Variants in C6 observed in about 807,000 individuals in gnomAD.
C6 encodes the protein complement component C6.
C6 carries 101 observed loss-of-function variants against 112.9 expected under a neutral mutation model. The observed-to-expected ratio is 0.89, with a 90% CI of 0.76 to 1.06. The LOEUF (loss-of-function observed/expected upper bound fraction) is 1.06, where lower values mean the gene tolerates loss of function less well. C6 is among the 50% of genes least tolerant of loss of function. The pLI is 0.00. For missense variants in C6, 1,202 were observed against 1,104.6 expected, an observed-to-expected ratio of 1.09 and a Z score of -1.25; for synonymous variants, 431 against 384.1, an observed-to-expected ratio of 1.12 and a Z score of -1.43.
intron 13 of C6, among the ~76,000 whole-genome samples, chr5:41,157,825 C>G (rs1274537238): frequency 6.6e-6 from 1 of 152,140 alleles, no homozygotes; most frequent in African/African-American, 2.4e-5. Context: ...AGAGTAAAGA[C>G]TAATTAAAAT....
At chr5:41,196,571 T>A (rs766734507) in intron 4 of C6, among the ~76,000 whole-genome samples, 1 of 151,892 alleles carries the variant, frequency 6.6e-6, no homozygotes, top group African/African-American at 2.4e-5. Flanking sequence ...GATTGCATAA[T>A]TTGTGAAAGC....
At chr5:41,153,756 C>T (rs573757845) in intron 15 of C6, 54 bp downstream of exon 15, 6 of 1,323,296 alleles carry the variant, frequency 4.5e-6, no homozygotes, top group East Asian at 2.3e-5. Context: ...GCTATACTAC[C>T]AATCTCAGGG....
intron 5 of C6, among the ~76,000 whole-genome samples, chr5:41,194,671 A>T (rs1580162098): frequency 6.6e-6 from 1 of 152,272 alleles, no homozygotes; most frequent in East Asian, 1.9e-4. Context: ...AAAATTTAAG[A>T]GGGGTTTCTT....
intron 7 of C6, among the ~76,000 whole-genome samples, chr5:41,177,208 A>G (rs988495614): frequency 6.6e-6 from 1 of 152,194 alleles, no homozygotes; most frequent in Non-Finnish European, 1.5e-5. Context: ...GTCAAATGAT[A>G]AGATGAGGGC....
At chr5:41,242,230 G>T (rs1206722820) in intron 1 of C6, among the ~76,000 whole-genome samples, 2 of 152,104 alleles carry the variant, frequency 1.3e-5, no homozygotes, top group East Asian at 3.9e-4. Flanking sequence ...AGAGGTAATT[G>T]GTTCATGGGG....
At chr5:41,175,628 C>G (rs956560416) in intron 8 of C6, among the ~76,000 whole-genome samples, 1 of 152,164 alleles carries the variant, frequency 6.6e-6, no homozygotes, top group Non-Finnish European at 1.5e-5. Flanking sequence ...TTTAGGGGCT[C>G]TGCTCTGAAT....
At position 41,161,764 on chromosome 5, in the gene C6, C is replaced by G. The variant is rs148104911; in HGVS notation, c.1387G>C (p.Gly463Arg). Residue 463 changes from glycine (G) to arginine (R), a missense_variant, in exon 10 of 18, where the codon GGT (glycine) becomes CGT (arginine). Gly to Arg is a moderately radical substitution (Grantham distance 125, BLOSUM62 -2). Transcript: ENST00000337836. ...TCAGAAAATGTCTTCTCCTCCAGAC[C>G]AGAGCTCCCTTTCTCCCATGCCAAA... Reference protein sequence around the residue: ...AALAWEKGSSGLEEKTFSEWL... With the variant: ...AALAWEKGSSRLEEKTFSEWL... The G allele has an allele frequency of 1.6e-4, 252 of 1,613,684 alleles. No individual in the cohort carries two copies. The African/African-American group carries it at 2.7e-3, about 17-fold the overall frequency.
At chr5:41,154,073 C>G (rs951762985) in intron 14 of C6, 75 bp from the exon 15 acceptor site, 25 of 1,288,986 alleles carry the variant, frequency 1.9e-5, no homozygotes, top group Non-Finnish European at 2.7e-5. Context: ...TTTGTGCAAC[C>G]AAAGAGGTGA....
chr5:41,211,444 C>T (rs1751919575), intron 1 of C6, among the ~76,000 whole-genome samples: 2 of 152,026 alleles, frequency 1.3e-5, no homozygotes, highest in Non-Finnish European at 1.5e-5. Context: ...TCTAGTTCGT[C>T]GGTAAGTAAC....
At chr5:41,205,886 G>A (rs916330258) in intron 1 of C6, among the ~76,000 whole-genome samples, 5 of 152,214 alleles carry the variant, frequency 3.3e-5, no homozygotes, top group African/African-American at 4.8e-5. Context: ...TCCCAGCACG[G>A]AGTTTGAGAT....
chr5:41,250,160 A>G (rs1055352203), intron 1 of C6, among the ~76,000 whole-genome samples: 7 of 152,190 alleles, frequency 4.6e-5, no homozygotes, highest in African/African-American at 1.4e-4. Context: ...GTCACACCCT[A>G]TTTAACAGAC....
intron 1 of C6, among the ~76,000 whole-genome samples, chr5:41,207,420 G>C (rs1376878108): frequency 6.6e-6 from 1 of 152,154 alleles, no homozygotes; most frequent in Non-Finnish European, 1.5e-5. Context: ...CCAATTAAAA[G>C]ACATAGACTG....
chr5:41,205,121 A>G (rs1009759860), intron 1 of C6, among the ~76,000 whole-genome samples: 3 of 152,182 alleles, frequency 2.0e-5, no homozygotes, highest in African/African-American at 7.2e-5. Context: ...AGAAGCCTTT[A>G]TCACTGTCTG....
chr5:41,249,761 G>A (rs1390704240), intron 1 of C6, among the ~76,000 whole-genome samples: 3 of 152,140 alleles, frequency 2.0e-5, no homozygotes, highest in Non-Finnish European at 2.9e-5. Flanking sequence ...ATAAAGCCAT[G>A]GATATTGATT....
At chr5:41,201,784 A>G in intron 2 of C6, 70 bp from the exon 3 acceptor site, 4 of 1,323,932 alleles carry the variant, frequency 3.0e-6, no homozygotes, top group Non-Finnish European at 4.3e-6. Context: ...TAATCAAAGT[A>G]TCATTGAGCA....
chr5:41,189,015 C>T (rs1749996098), intron 5 of C6, among the ~76,000 whole-genome samples: 1 of 151,778 alleles, frequency 6.6e-6, no homozygotes, highest in African/African-American at 2.4e-5. Flanking sequence ...GACTAATAAG[C>T]ATGTGAAAAA....
chr5:41,178,466 CTTTTTTTTTT>C (rs70988836), intron 7 of C6, among the ~76,000 whole-genome samples: 1 of 101,594 alleles, frequency 9.8e-6, no homozygotes, highest in African/African-American at 3.8e-5. Flanking sequence ...TTTTCTTTTT[CTTTTTTTTTT>C]TTTTTTTTTT....
At chr5:41,194,292 A>T (rs928723728) in intron 5 of C6, among the ~76,000 whole-genome samples, 4 of 152,188 alleles carry the variant, frequency 2.6e-5, no homozygotes, top group African/African-American at 9.7e-5. Flanking sequence ...ACATCAGTTT[A>T]TAGTCATCCA....
chr5:41,254,448 T>C (rs1741559048), intron 1 of C6, among the ~76,000 whole-genome samples: 1 of 152,144 alleles, frequency 6.6e-6, no homozygotes, highest in African/African-American at 2.4e-5. Context: ...TTTTGTCTTC[T>C]CCTTAGCTAG....
Sources: allele counts gnomAD v4.1 joint callset (sites outside exome capture counted in the v4.1 genomes callset), GRCh38; gene constraint gnomAD v4.1.1; transcripts MANE v1.5; gene names NCBI Gene and HGNC (gene_info 2026-07-23, HGNC 2026-07-21).